Variants in C4orf17 observed in about 807,000 individuals in gnomAD.
C4orf17 encodes the protein uncharacterized protein C4orf17.
C4orf17 carries 25 observed loss-of-function variants against 32.0 expected under a neutral mutation model. That is an observed-to-expected ratio of 0.78 (90% CI 0.57 to 1.09). C4orf17 has a LOEUF of 1.09. C4orf17 is among the 50% of genes least tolerant of loss of function. The probability of loss-of-function intolerance (pLI) is 0.00; values close to 1 mark genes in which losing one functional copy is unlikely to be tolerated. For synonymous variants in C4orf17, 149 were observed against 145.8 expected (o/e 1.02, Z -0.16); for missense variants, 420 against 420.0 (o/e 1.00, Z 0.00).
rs776667824 is a variant in C4orf17, at chr4:99,542,046, G to A, written c.1017G>A (p.Arg339=). 1 of 1,614,096 alleles carries A rather than the reference G, an allele frequency of 6.2e-7. No individual in the cohort carries two copies. Among genetic ancestry groups the A allele is most frequent in the Non-Finnish European group, 8.5e-7 (1 of 1,180,002 alleles). ...ESGSAKPVSA[R]SIQEYNLCPQ... ...GATCAGCAAAACCAGTGTCAGCAAG[G>A]AGTATACAAGAATACAACCTCTGTC... The change falls in exon 9 of 9, where the codon AGG becomes AGA. Residue 339 remains arginine, a synonymous_variant. Transcript: ENST00000326581.
At chr4:99,512,464 G>A (rs1265425441) in intron 1 of C4orf17, among the ~76,000 whole-genome samples, 1 of 152,056 alleles carries the variant, frequency 6.6e-6, no homozygotes, top group Non-Finnish European at 1.5e-5. Flanking sequence ...AGGTTCTCTG[G>A]TTTATCATCT....
intron 4 of C4orf17, among the ~76,000 whole-genome samples, chr4:99,529,489 C>T (rs1026344590): frequency 2.6e-5 from 4 of 152,136 alleles, no homozygotes; most frequent in African/African-American, 9.7e-5. Context: ...GAGAAATCTT[C>T]CCAACTTAAC....
intron 5 of C4orf17, among the ~76,000 whole-genome samples, chr4:99,534,949 G>A (rs1353676519): frequency 1.3e-5 from 2 of 152,058 alleles, no homozygotes; most frequent in Non-Finnish European, 2.9e-5. Context: ...CAATTCCCTC[G>A]GCATTTGCTT....
At chr4:99,528,414 A>G (rs944256583) in intron 4 of C4orf17, among the ~76,000 whole-genome samples, 2 of 152,114 alleles carry the variant, frequency 1.3e-5, no homozygotes, top group African/African-American at 4.8e-5. Context: ...TTTCTAATAT[A>G]TGTATTTTAA....
intron 2 of C4orf17, among the ~76,000 whole-genome samples, chr4:99,517,831 T>C (rs1453783530): frequency 2.6e-5 from 4 of 152,206 alleles, no homozygotes; most frequent in African/African-American, 7.2e-5. Context: ...TTCAAAAGTT[T>C]AGACCTGTAT....
At chr4:99,519,837 G>T (rs932058215) in intron 2 of C4orf17, among the ~76,000 whole-genome samples, 1 of 152,118 alleles carries the variant, frequency 6.6e-6, no homozygotes, top group Non-Finnish European at 1.5e-5. Flanking sequence ...TTGAACTTGG[G>T]GTAGAGAGAG....
At chr4:99,519,804 G>A (rs1723254442) in intron 2 of C4orf17, among the ~76,000 whole-genome samples, 1 of 152,158 alleles carries the variant, frequency 6.6e-6, no homozygotes, top group South Asian at 2.1e-4. Flanking sequence ...GACAGGCCAG[G>A]GCAGAGAGAG....
At chr4:99,540,663 GGACA>G (rs1348782603) in intron 8 of C4orf17, 1 of 476,560 alleles carries the variant, frequency 2.1e-6, no homozygotes, top group African/African-American at 2.0e-5. Flanking sequence ...GCCTGATCAT[GGACA>G]GACACTCTTT....
Position 99,539,167 on chromosome 4 carries a change from A to C in C4orf17, c.633A>C (p.Lys211Asn), listed in dbSNP as rs765511991. ...QWLLHATSKE[K>N]EWVSALIHSE... ...CTTTTTTGTCTTTTAAACCAGAAAA[A>C]GAGTGGGTCTCAGCTTTGATTCATT... Residue 211 changes from lysine (K) to asparagine (N), a missense_variant, in exon 7 of 9, where the codon AAA (lysine) becomes AAC (asparagine). Physicochemically the swap from Lys to Asn is moderately conservative, Grantham distance 94. Transcript: ENST00000326581. 1 of 1,613,722 alleles carries C rather than the reference A, an allele frequency of 6.2e-7. No individual in the cohort carries two copies. Among genetic ancestry groups the C allele is most frequent in the Non-Finnish European group, 8.5e-7 (1 of 1,179,676 alleles).
chr4:99,528,687 T>A (rs1177217283), intron 4 of C4orf17, among the ~76,000 whole-genome samples: 2 of 152,186 alleles, frequency 1.3e-5, no homozygotes, highest in African/African-American at 4.8e-5. Context: ...TGGCATGTCT[T>A]ACATGGCAGC....
chr4:99,539,274 C>T lies in C4orf17; in HGVS notation c.740C>T (p.Pro247Leu). ...CCAGCAGCAGAGACTGGGAAGCCAC[C>T]CACAGTTAAATCACCACCCACAGTT... ...MEPAAETGKP[P>L]TVKSPPTVKL... Residue 247 changes from proline (P) to leucine (L), a missense_variant, in exon 7 of 9, where the codon CCC becomes CTC. Coordinates refer to ENST00000326581, the MANE Select transcript of C4orf17 (RefSeq NM_032149.3). The T allele has an allele frequency of 6.2e-7, 1 of 1,614,032 alleles. No individual in the cohort carries two copies. The highest frequency in any genetic ancestry group is 2.2e-5 in the East Asian group (1 of 44,878).
chr4:99,542,273 T>A lies in C4orf17; in HGVS notation c.*164T>A. 1.6e-6 allele frequency: 1 copy of A among 642,168 alleles called. No individual in the cohort carries two copies. Among genetic ancestry groups the A allele is most frequent in the Non-Finnish European group, 2.8e-6 (1 of 362,536 alleles). The allele number at this position is 642,168 out of a possible 1,614,324, so 39.8% of individuals were successfully genotyped here. ...TGTATGTAATGCTACAAATAAATAT[T>A]ACTGGAAATGATATTTCCATTTGTA... On this transcript the variant is annotated 3_prime_UTR_variant, in exon 9 of 9. Transcript: ENST00000326581.
intron 4 of C4orf17, among the ~76,000 whole-genome samples, chr4:99,524,914 A>G (rs574503054): frequency 6.6e-6 from 1 of 152,316 alleles, no homozygotes; most frequent in African/African-American, 2.4e-5. Flanking sequence ...TTTGGATTTT[A>G]TAAAAATAAA....
chr4:99,516,219 A>T (rs1410296831), intron 2 of C4orf17, among the ~76,000 whole-genome samples: 1 of 152,220 alleles, frequency 6.6e-6, no homozygotes, highest in African/African-American at 2.4e-5. Flanking sequence ...AGGGAGGAAA[A>T]AAATGTCCCT....
intron 5 of C4orf17, among the ~76,000 whole-genome samples, chr4:99,535,778 G>C (rs1723551455): frequency 6.6e-6 from 1 of 152,168 alleles, no homozygotes; most frequent in South Asian, 2.1e-4. Context: ...GCCCTTGCTT[G>C]AGATGTGTTG....
intron 7 of C4orf17, among the ~76,000 whole-genome samples, chr4:99,539,767 C>T (rs1180895767): frequency 2.6e-5 from 4 of 151,962 alleles, no homozygotes; most frequent in Non-Finnish European, 5.9e-5. Flanking sequence ...AAATGTGTAT[C>T]ACACAGGTTT....
At chr4:99,540,667 A>G in intron 8 of C4orf17, 1 of 472,192 alleles carries the variant, frequency 2.1e-6, no homozygotes, top group Non-Finnish European at 3.8e-6. Flanking sequence ...GATCATGGAC[A>G]GACACTCTTT....
chr4:99,539,099 G>T, intron 6 of C4orf17, 64 bp from the exon 7 acceptor site: 1 of 1,408,404 alleles, frequency 7.1e-7, no homozygotes, highest in Non-Finnish European at 1.0e-6. Context: ...ATATTCCTGT[G>T]TTTCTATCCA....
At chr4:99,521,539 T>G (rs76812424) in intron 2 of C4orf17, among the ~76,000 whole-genome samples, 1,629 of 152,140 alleles carry the variant, frequency 0.011, 32 homozygotes, top group African/African-American at 0.037. Context: ...TAAAAGCACA[T>G]AAGGGGACAG....
Sources: allele counts gnomAD v4.1 joint callset (sites outside exome capture counted in the v4.1 genomes callset), GRCh38; gene constraint gnomAD v4.1.1; transcripts MANE v1.5; gene names NCBI Gene and HGNC (gene_info 2026-07-23, HGNC 2026-07-21).